PRR11: variants seen among roughly 807,000 people sequenced by gnomAD.
The protein encoded by PRR11 is proline rich 11, also known as proline-rich protein 11.
Under a neutral mutation model 45.6 loss-of-function variants are expected in PRR11, and 30 were observed. That is an observed-to-expected ratio of 0.66 (90% CI 0.49 to 0.89). The LOEUF is 0.89. Among genes scored for constraint, PRR11 ranks in the 40% least tolerant of loss-of-function variants. PRR11 has a pLI of 0.00. For synonymous variants in PRR11, 128 were observed against 153.5 expected, an observed-to-expected ratio of 0.83 and a Z score of 1.23; for missense variants, 373 against 424.8, an observed-to-expected ratio of 0.88 and a Z score of 1.07.
At chr17:59,176,901 TAGTC>T (rs1426623389) in intron 2 of PRR11, among the ~76,000 whole-genome samples, 1 of 152,032 alleles carries the variant, frequency 6.6e-6, no homozygotes, top group Non-Finnish European at 1.5e-5. Flanking sequence ...TTTGCCATGT[TAGTC>T]AGGCTGGTCT....
intron 2 of PRR11, among the ~76,000 whole-genome samples, chr17:59,171,250 G>A (rs1271839809): frequency 4.6e-5 from 7 of 151,022 alleles, no homozygotes; most frequent in South Asian, 4.2e-4. Flanking sequence ...GAGAAAGAGC[G>A]AGACTCCGTC....
intron 9 of PRR11, among the ~76,000 whole-genome samples, chr17:59,201,192 T>A (rs1167471298): frequency 3.9e-5 from 6 of 152,086 alleles, no homozygotes; most frequent in Non-Finnish European, 8.8e-5. Flanking sequence ...TTTTTTTAAT[T>A]TAAATATTTC....
At chr17:59,187,467 G>A (rs2046819511) in intron 4 of PRR11, among the ~76,000 whole-genome samples, 1 of 152,048 alleles carries the variant, frequency 6.6e-6, no homozygotes, top group South Asian at 2.1e-4. Flanking sequence ...CTACTCGGAT[G>A]GCTGAGGCAG....
At position 59,185,473 on chromosome 17, in the gene PRR11, T is replaced by C; in HGVS notation, c.313T>C (p.Ser105Pro). 1 of 1,605,462 alleles carries C rather than the reference T, an allele frequency of 6.2e-7. No individual in the cohort carries two copies. The highest frequency in any genetic ancestry group is 8.5e-7 in the Non-Finnish European group (1 of 1,174,964). The stretch of plus-strand genomic sequence containing the variant: ...AGTATTGAAAGACACCATCTTTCCA[T>C]CTCGTATCTGCCACCGAGAACTTTA... ...LEVLKDTIFP[S>P]RICHRELYSV... Residue 105 changes from serine to proline, a missense_variant, in exon 4 of 10, where the codon TCT (serine) becomes CCT (proline). Physicochemically the swap from Ser to Pro is moderately conservative, Grantham distance 74. Coordinates refer to ENST00000262293, the MANE Select transcript of PRR11 (RefSeq NM_018304.4).
At chr17:59,200,800 T>C (rs542473021) in intron 9 of PRR11, among the ~76,000 whole-genome samples, 1 of 152,080 alleles carries the variant, frequency 6.6e-6, no homozygotes, top group East Asian at 1.9e-4. Context: ...CCTGTTTTTT[T>C]AAAATTTATA....
chr17:59,172,242 G>A (rs187072960), intron 2 of PRR11, among the ~76,000 whole-genome samples: 4 of 152,188 alleles, frequency 2.6e-5, no homozygotes, highest in Admixed American at 2.0e-4. Context: ...TCCAGGTTCC[G>A]CCCCAGGGAG....
chr17:59,161,113 A>T (rs1162547456), intron 1 of PRR11, among the ~76,000 whole-genome samples: 1 of 152,148 alleles, frequency 6.6e-6, no homozygotes, highest in African/African-American at 2.4e-5. Flanking sequence ...AAACTAGTTT[A>T]AAAAATACAT....
At chr17:59,175,217 G>T in intron 2 of PRR11, 1 of 434,132 alleles carries the variant, frequency 2.3e-6, no homozygotes, top group South Asian at 2.0e-5. Flanking sequence ...GGCAGGGGAC[G>T]ATCCTCAGCT....
chr17:59,159,147 C>G (rs994840774), intron 1 of PRR11, among the ~76,000 whole-genome samples: 14 of 152,096 alleles, frequency 9.2e-5, no homozygotes, highest in Admixed American at 8.5e-4. Flanking sequence ...TTATAACCCT[C>G]TACTCCAATA....
chr17:59,180,510 G>GTTTTTTTTC (rs1555716481), intron 2 of PRR11, among the ~76,000 whole-genome samples: 1 of 108,634 alleles, frequency 9.2e-6, no homozygotes, highest in Non-Finnish European at 1.8e-5. Flanking sequence ...TTTTTTTTTT[G>GTTTTTTTTC]TTTTTTTTGT....
chr17:59,202,635 C>T lies in PRR11; in HGVS notation c.*1004C>T, dbSNP rs2046898478. 6.6e-6 allele frequency: 1 copy of T among 152,154 alleles called. No individual in the cohort carries two copies. The highest frequency in any genetic ancestry group is 2.4e-5 in the African/African-American group (1 of 41,430). The allele number at this position is 152,154 out of a possible 1,614,324, so 9.4% of individuals were successfully genotyped here. ...TAGGTAGGTACTTATATCTGGCTTACAGAAGTCTAAGGTATTCCTTATTTT... is the reference window on the plus strand; with the variant it reads ...TAGGTAGGTACTTATATCTGGCTTATAGAAGTCTAAGGTATTCCTTATTTT... On this transcript the variant is annotated 3_prime_UTR_variant, in exon 10 of 10. Transcript: ENST00000262293.
chr17:59,182,759 C>T (rs957187535), intron 2 of PRR11, among the ~76,000 whole-genome samples: 15 of 152,084 alleles, frequency 9.9e-5, no homozygotes, highest in African/African-American at 3.6e-4. Context: ...CTGATGGTCC[C>T]GACACTTCAT....
Position 59,197,623 on chromosome 17 carries a change from T to C in PRR11, c.917+20T>C, listed in dbSNP as rs1194282819. On this transcript the variant is annotated intron_variant, in intron 8 of 9. Transcript: ENST00000262293. Reference sequence around the variant, plus strand: ...AGAGAGGTAATACACTCTCATATCTTTATGCCTTCTACGTCCATTTTAAAA... The same window carrying C: ...AGAGAGGTAATACACTCTCATATCTCTATGCCTTCTACGTCCATTTTAAAA... 1 of 1,612,054 alleles carries C rather than the reference T, an allele frequency of 6.2e-7. No homozygotes were observed. The highest frequency in any genetic ancestry group is 1.7e-5 in the Admixed American group (1 of 60,004).
intron 2 of PRR11, chr17:59,177,149 G>A (rs551686771): frequency 1.8e-6 from 1 of 551,048 alleles, no homozygotes; most frequent in Non-Finnish European, 3.6e-6. Context: ...TTGACAGATA[G>A]GAGGAAGCAA....
chr17:59,193,867 C>T (rs1568326788), intron 5 of PRR11, 133 bp downstream of exon 5: 13 of 1,052,292 alleles, frequency 1.2e-5, no homozygotes, highest in East Asian at 7.2e-5. Flanking sequence ...GTTCTGATTC[C>T]GTATCTTAAT....
Position 59,193,686 on chromosome 17 carries a change from A to T in PRR11, c.597A>T (p.Pro199=), listed in dbSNP as rs1568326732. 2 of 1,613,846 alleles carry T rather than the reference A, an allele frequency of 1.2e-6. No individual in the cohort carries two copies. Residue 199 remains proline (P), a synonymous_variant, in exon 5 of 10, where the codon CCA becomes CCT. Coordinates refer to ENST00000262293, the MANE Select transcript of PRR11 (RefSeq NM_018304.4). ...CACCTCTGCCACCTCCTCCACCACC[A>T]CTAGCACCTGTGTTGCTCAGAAAAC... ...PPPPLPPPPP[P]LAPVLLRKPS...
intron 2 of PRR11, among the ~76,000 whole-genome samples, chr17:59,176,099 G>A (rs1386356440): frequency 6.6e-6 from 1 of 152,174 alleles, no homozygotes; most frequent in Non-Finnish European, 1.5e-5. Flanking sequence ...AGGCTATGGG[G>A]TGAACTGACT....
intron 4 of PRR11, 104 bp downstream of exon 4, chr17:59,185,666 T>C: frequency 9.2e-7 from 1 of 1,081,186 alleles, no homozygotes; most frequent in Non-Finnish European, 1.3e-6. Flanking sequence ...AAGATTTATA[T>C]CTCAAACATT....
chr17:59,198,722 G>A (rs1226648317), intron 9 of PRR11, among the ~76,000 whole-genome samples: 8 of 150,786 alleles, frequency 5.3e-5, no homozygotes, highest in South Asian at 2.1e-4. Context: ...CTGTAATCCC[G>A]GCTACTTGGG....
Sources: allele counts gnomAD v4.1 joint callset (sites outside exome capture counted in the v4.1 genomes callset), GRCh38; gene constraint gnomAD v4.1.1; transcripts MANE v1.5; gene names NCBI Gene and HGNC (gene_info 2026-07-23, HGNC 2026-07-21).